Variants in TBC1D22A observed in about 807,000 individuals in gnomAD.
TBC1D22A encodes the protein putative GTPase activator.
TBC1D22A carries 38 observed loss-of-function variants against 60.2 expected under a neutral mutation model. The ratio of observed to expected loss-of-function variants is 0.63; its 90% CI spans 0.49 to 0.83. The LOEUF (loss-of-function observed/expected upper bound fraction) is 0.83. Ranked by LOEUF, TBC1D22A falls within the 40% of genes least tolerant of loss-of-function variation. TBC1D22A has a pLI of 0.00. For missense variants in TBC1D22A, 628 were observed against 701.0 expected (o/e 0.90, Z 1.18); for synonymous variants, 302 against 281.7 (o/e 1.07, Z -0.72).
At chr22:47,046,802 T>C (rs2063046793) in intron 11 of TBC1D22A, among the ~76,000 whole-genome samples, 1 of 152,134 alleles carries the variant, frequency 6.6e-6, no homozygotes, top group Non-Finnish European at 1.5e-5. Context: ...GACCCCTCTA[T>C]CCCAGAGCCC....
In TBC1D22A at chr22:47,070,928, T is replaced by C. The variant is rs564581055; in HGVS notation, c.1329+33730T>C. On this transcript the variant is annotated intron_variant, in intron 11 of 12. Coordinates refer to ENST00000337137, the MANE Select transcript of TBC1D22A (RefSeq NM_014346.5). Reference sequence around the variant, plus strand: ...CCCTGTTGTTTGGTTGGAGCGGAGCTGACCTGACGGTCCCGGCGCTGTTCG... The same window carrying C: ...CCCTGTTGTTTGGTTGGAGCGGAGCCGACCTGACGGTCCCGGCGCTGTTCG... Among the ~76,000 whole-genome samples the C allele has an allele frequency of 9.0e-3, 1,350 of 150,550 alleles. 53 individuals carry two copies. The highest frequency in any genetic ancestry group is 0.032 in the African/African-American group (1,283 of 39,852).
intron 11 of TBC1D22A, among the ~76,000 whole-genome samples, chr22:47,109,564 C>G (rs1466692318): frequency 6.6e-6 from 1 of 152,072 alleles, no homozygotes; most frequent in East Asian, 1.9e-4. Flanking sequence ...CAGGTGCCTC[C>G]CTGACATCTC....
chr22:46,910,275 TC>T (rs1172837777), intron 7 of TBC1D22A, among the ~76,000 whole-genome samples: 1 of 152,064 alleles, frequency 6.6e-6, no homozygotes, highest in Admixed American at 6.5e-5. Flanking sequence ...TTAGGGCTGG[TC>T]ATGCCACTCT....
At position 47,104,823 on chromosome 22, in the gene TBC1D22A, A is replaced by G. The variant is rs533683554; in HGVS notation, c.1330-6685A>G. On this transcript the variant is annotated intron_variant, in intron 11 of 12. Transcript: ENST00000337137. ...ATCTTAACCTGGACATTTCCTTTCT[A>G]TTATCCCAGATCTTTAGACAAACTC... Among the ~76,000 whole-genome samples, 38 of 152,124 alleles carry G rather than the reference A, an allele frequency of 2.5e-4. No homozygotes were observed. The South Asian group carries it at 3.1e-3, about 12-fold the overall frequency.
intron 1 of TBC1D22A, among the ~76,000 whole-genome samples, chr22:46,766,989 T>G (rs964601389): frequency 6.6e-6 from 1 of 152,254 alleles, no homozygotes. Flanking sequence ...TTCTCATTCT[T>G]GCATTGTCAG....
At chr22:47,146,575 G>A (rs919574587) in intron 12 of TBC1D22A, among the ~76,000 whole-genome samples, 15 of 152,212 alleles carry the variant, frequency 9.9e-5, no homozygotes, top group South Asian at 2.1e-4. Context: ...CACCGATGCC[G>A]CTCTGTAATC....
At position 46,917,111 on chromosome 22, in the gene TBC1D22A, T is replaced by C. The variant is rs1328041204; in HGVS notation, c.1015+4923T>C. Among the ~76,000 whole-genome samples, 3 of 152,146 alleles carry C rather than the reference T, an allele frequency of 2.0e-5. 1 individual carries two copies. The highest frequency in any genetic ancestry group is 4.8e-5 in the African/African-American group (2 of 41,436). On this transcript the variant is annotated intron_variant, in intron 8 of 12. Coordinates refer to ENST00000337137, the MANE Select transcript of TBC1D22A (RefSeq NM_014346.5). ...GAGGAGACTCCAGTTAGCACAGCCA[T>C]TGGAGACGACACTCAGCTAGGAACA...
At chr22:47,035,316 G>A (rs563621218) in intron 10 of TBC1D22A, among the ~76,000 whole-genome samples, 1 of 152,274 alleles carries the variant, frequency 6.6e-6, no homozygotes, top group Admixed American at 6.5e-5. Context: ...GCACAGTGGT[G>A]GGGGTGTGGG....
At chr22:46,918,171 A>T (rs1188722658) in intron 8 of TBC1D22A, among the ~76,000 whole-genome samples, 1 of 152,220 alleles carries the variant, frequency 6.6e-6, no homozygotes, top group Non-Finnish European at 1.5e-5. Flanking sequence ...TCTTGTGATC[A>T]TCGTTACTGT....
chr22:47,080,039 T>A (rs991970012), intron 11 of TBC1D22A, among the ~76,000 whole-genome samples: 24 of 152,326 alleles, frequency 1.6e-4, no homozygotes, highest in Non-Finnish European at 2.4e-4. Context: ...AAAGAAGGAC[T>A]TTTTTCTTTT....
chr22:46,768,715 T>G (rs1030519642), intron 1 of TBC1D22A, among the ~76,000 whole-genome samples: 2 of 152,060 alleles, frequency 1.3e-5, no homozygotes, highest in African/African-American at 4.8e-5. Context: ...GTTTGCTATT[T>G]TAGCTCAGCT....
chr22:47,068,713 G>A (rs2063860216), intron 11 of TBC1D22A, among the ~76,000 whole-genome samples: 1 of 152,194 alleles, frequency 6.6e-6, no homozygotes, highest in African/African-American at 2.4e-5. Flanking sequence ...TTTTAAATGA[G>A]CTAACAATTT....
In TBC1D22A at chr22:47,037,087, C is replaced by T; in HGVS notation, c.1218C>T (p.His406=). The T allele has an allele frequency of 6.2e-7, 1 of 1,613,850 alleles. No homozygotes were observed. The highest frequency in any genetic ancestry group is 8.5e-7 in the Non-Finnish European group (1 of 1,179,830). Residue 406 remains histidine (H), a synonymous_variant, in exon 11 of 13, where the codon CAC becomes CAT. Transcript: ENST00000337137. ...TTTGTGCAGAGCAAGTGCACCGGCA[C>T]CTGGACCAACACGAAGTGAGATACC... The part of the protein sequence containing the change: ...VSRIDEQVHR[H]LDQHEVRYLQ...
chr22:46,947,695 C>T (rs1308192406), intron 8 of TBC1D22A, among the ~76,000 whole-genome samples: 1 of 151,888 alleles, frequency 6.6e-6, no homozygotes, highest in Non-Finnish European at 1.5e-5. Context: ...CTCCTGTCTC[C>T]CTCCCTTTCT....
chr22:46,784,038 T>C (rs2084054308), intron 1 of TBC1D22A, among the ~76,000 whole-genome samples: 1 of 152,180 alleles, frequency 6.6e-6, no homozygotes, highest in Non-Finnish European at 1.5e-5. Flanking sequence ...CATTAAAAAG[T>C]TTATTGACTA....
At chr22:46,830,269 T>G (rs1336559090) in intron 4 of TBC1D22A, among the ~76,000 whole-genome samples, 1 of 152,160 alleles carries the variant, frequency 6.6e-6, no homozygotes, top group Non-Finnish European at 1.5e-5. Flanking sequence ...GGCCTGAGAG[T>G]GACTGCTCAT....
rs532262483 is a variant in TBC1D22A at position 47,103,986 on chromosome 22, G to A, written c.1330-7522G>A. Among the ~76,000 whole-genome samples, 10 of 152,252 alleles carry A rather than the reference G, an allele frequency of 6.6e-5. No homozygotes were observed. In the South Asian group the frequency reaches 2.1e-3, roughly 32 times the overall value. On this transcript the variant is annotated intron_variant, in intron 11 of 12. Transcript: ENST00000337137. Reference sequence around the variant, plus strand: ...TGCCATATTTGGAAATGGCAAAGCTGTCCTTTGTGGGGGAAAATTTGCGTC... The same window carrying A: ...TGCCATATTTGGAAATGGCAAAGCTATCCTTTGTGGGGGAAAATTTGCGTC...
At chr22:46,862,639 T>C (rs2087963862) in intron 4 of TBC1D22A, among the ~76,000 whole-genome samples, 1 of 152,140 alleles carries the variant, frequency 6.6e-6, no homozygotes, top group South Asian at 2.1e-4. Context: ...GTAGGAGGGC[T>C]GCAAGCTGAG....
chr22:47,017,742 C>A (rs1359455026), intron 10 of TBC1D22A, among the ~76,000 whole-genome samples: 3 of 152,210 alleles, frequency 2.0e-5, no homozygotes, highest in Non-Finnish European at 4.4e-5. Context: ...GAAAAGAACT[C>A]ATTTCTGTCA....
Sources: allele counts gnomAD v4.1 joint callset (sites outside exome capture counted in the v4.1 genomes callset), GRCh38; gene constraint gnomAD v4.1.1; transcripts MANE v1.5; gene names NCBI Gene and HGNC (gene_info 2026-07-23, HGNC 2026-07-21).